TRPV5: variants seen among roughly 807,000 people sequenced by gnomAD.
TRPV5 encodes the protein calcium transport protein 2.
A neutral mutation model predicts 74.1 loss-of-function variants in TRPV5; 66 were observed. That is an observed-to-expected ratio of 0.89 (90% CI 0.73 to 1.09). TRPV5 has a LOEUF of 1.09. Among genes scored for constraint, TRPV5 ranks in the 50% least tolerant of loss-of-function variants. The pLI is 0.00. For missense variants in TRPV5, 936 were observed against 930.4 expected (o/e 1.01, Z -0.08); for synonymous variants, 399 against 360.7 (o/e 1.11, Z -1.20).
chr7:142,914,474 G>A (rs1179752535), intron 12 of TRPV5, among the ~76,000 whole-genome samples, 166 bp downstream of exon 12: 1 of 151,978 alleles, frequency 6.6e-6, no homozygotes, highest in East Asian at 1.9e-4. Flanking sequence ...CTATAAATAT[G>A]GGTGTGCTTT....
chr7:142,928,274 A>G lies in TRPV5; in HGVS notation c.763-40T>C, dbSNP rs202061675. The G allele has an allele frequency of 1.8e-5, 29 of 1,613,054 alleles. No individual in the cohort carries two copies. The African/African-American group carries it at 3.7e-4, about 21-fold the overall frequency. ...GGATGAGTCAGGGGGCCAACGTGTG[A>G]GAAGGTGGTCGAGGAGAACAACTCC... On this transcript the variant is annotated intron_variant, in intron 6 of 14. Coordinates refer to ENST00000265310, the MANE Select transcript of TRPV5 (RefSeq NM_019841.7).
At chr7:142,918,974 T>C (rs4252469) in intron 8 of TRPV5, among the ~76,000 whole-genome samples, 2,480 of 152,346 alleles carry the variant, frequency 0.016, 60 homozygotes, top group African/African-American at 0.056. Context: ...GTGTGAGCTC[T>C]GGCCACATTG....
At position 142,908,302 on chromosome 7, in the gene TRPV5, G is replaced by A. The variant is rs753537397; in HGVS notation, c.*212C>T. 9.9e-6 allele frequency: 6 copies of A among 607,454 alleles called. No individual in the cohort carries two copies. The highest frequency in any genetic ancestry group is 1.4e-5 in the Non-Finnish European group (5 of 349,774). The allele number at this position is 607,454 out of a possible 1,614,324, so 37.6% of individuals were successfully genotyped here. A position where few individuals can be genotyped will look rare whatever the true frequency, so the allele number is the denominator to read the frequency against. Reference sequence around the variant, plus strand: ...TTCCTGAGATGGGTGACTTGCAAGAGCCCAGAAAATACGTGAGACAATCGA... The same window carrying A: ...TTCCTGAGATGGGTGACTTGCAAGAACCCAGAAAATACGTGAGACAATCGA... On this transcript the variant is annotated 3_prime_UTR_variant, in exon 15 of 15. Transcript: ENST00000265310.
intron 13 of TRPV5, among the ~76,000 whole-genome samples, chr7:142,911,900 G>A (rs1002600228): frequency 1.3e-5 from 2 of 152,140 alleles, no homozygotes; most frequent in African/African-American, 2.4e-5. Context: ...AGCTCAATGC[G>A]ACATAAATGT....
intron 13 of TRPV5, among the ~76,000 whole-genome samples, chr7:142,910,611 T>A (rs1367332503): frequency 2.6e-5 from 4 of 152,224 alleles, no homozygotes; most frequent in Non-Finnish European, 5.9e-5. Flanking sequence ...ATTCTTCACC[T>A]CATGTTTTTC....
chr7:142,921,654 A>T (rs1379331875), intron 8 of TRPV5, among the ~76,000 whole-genome samples: 2 of 151,896 alleles, frequency 1.3e-5, no homozygotes, highest in Admixed American at 6.6e-5. Flanking sequence ...CACCCCCCAC[A>T]TCTGTTACTC....
intron 8 of TRPV5, among the ~76,000 whole-genome samples, chr7:142,919,085 G>A (rs1448939348): frequency 3.3e-5 from 5 of 152,134 alleles, no homozygotes; most frequent in Admixed American, 6.5e-5. Context: ...CACCCTCACC[G>A]ATGCCTCAAG....
At chr7:142,928,654 T>C (rs1796029229) in intron 6 of TRPV5, 37 bp downstream of exon 6, 1 of 1,596,010 alleles carries the variant, frequency 6.3e-7, no homozygotes, top group Non-Finnish European at 8.5e-7. Context: ...TTGAGGGTCA[T>C]TAGAAAGACA....
Position 142,915,040 on chromosome 7 carries a change from G to A in TRPV5, c.1293C>T (p.Thr431=). The change falls in exon 11 of 15, where the codon ACC becomes ACT. Residue 431 remains threonine (T), a synonymous_variant. Coordinates refer to ENST00000265310, the MANE Select transcript of TRPV5 (RefSeq NM_019841.7). The stretch of plus-strand genomic sequence containing the variant: ...TGGTCACCAGCACCAGGGAGGCATA[G>A]GTGATGCTGGGGGAGCAGAAAGCAG... ...LGGPFHVIII[T]YASLVLVTMV... The A allele has an allele frequency of 6.8e-6, 11 of 1,613,786 alleles. No homozygotes were observed. Among genetic ancestry groups the A allele is most frequent in the Non-Finnish European group, 9.3e-6 (11 of 1,179,828 alleles).
Position 142,928,108 on chromosome 7 carries a change from C to A in TRPV5, c.889G>T (p.Val297Phe), listed in dbSNP as rs1242860874. The change falls in exon 7 of 15, where the codon GTC becomes TTC. Residue 297 changes from valine (V) to phenylalanine (F), a missense_variant. Coordinates refer to ENST00000265310, the MANE Select transcript of TRPV5 (RefSeq NM_019841.7). ...CATACCTCTCGTTTATCAGAGGAGA[C>A]CACAAGCTCCAGGAAGGACAGCTCC... Reference protein sequence around the residue: ...GEELSFLELVVSSDKREARQI... With the variant: ...GEELSFLELVFSSDKREARQI... 1 of 1,614,158 alleles carries A rather than the reference C, an allele frequency of 6.2e-7. No homozygotes were observed.
chr7:142,921,997 C>A (rs1319843769), intron 8 of TRPV5, among the ~76,000 whole-genome samples: 1 of 152,216 alleles, frequency 6.6e-6, no homozygotes, highest in Non-Finnish European at 1.5e-5. Flanking sequence ...CAGGCTCTGG[C>A]CTCCCAGAGG....
rs548925016 is a variant in TRPV5, at chr7:142,930,123, G to T, written c.284C>A (p.Ala95Asp). 6.2e-7 allele frequency: 1 copy of T among 1,614,184 alleles called. No homozygotes were observed. The highest frequency in any genetic ancestry group is 8.5e-7 in the Non-Finnish European group (1 of 1,180,024). ...IAALYDNLEA[A>D]LVLMEAAPEL... is the part of the protein sequence containing the mutation. ...TGGGGCAGCCTCCATCAGCACCAAG[G>T]CCGCCTCCAAGTTGTCATAGAGGGC... Residue 95 changes from alanine (A) to aspartate (D), a missense_variant, in exon 3 of 15, where the codon GCC (alanine) becomes GAC (aspartate). Ala to Asp is a moderately radical substitution (Grantham distance 126, BLOSUM62 -2). Transcript: ENST00000265310.
chr7:142,928,381 T>C, intron 6 of TRPV5, 147 bp from the exon 7 acceptor site: 1 of 952,034 alleles, frequency 1.1e-6, no homozygotes, highest in African/African-American at 1.6e-5. Flanking sequence ...AGCTTTCCCT[T>C]TTTTGTCATC....
In TRPV5 at chr7:142,908,247, G is replaced by A; in HGVS notation, c.*267C>T. 2 of 554,374 alleles carry A rather than the reference G, an allele frequency of 3.6e-6. No individual in the cohort carries two copies. The highest frequency in any genetic ancestry group is 3.2e-5 in the Admixed American group (1 of 31,386). 34.3% of individuals were successfully genotyped at this position (554,374 alleles called of 1,614,324 possible). ...GTCCTGACATTAATCTAGCATCCCT[G>A]CCTCATGTCTTTAGTTGCCAACCTC... On this transcript the variant is annotated 3_prime_UTR_variant, in exon 15 of 15. Coordinates refer to ENST00000265310, the MANE Select transcript of TRPV5 (RefSeq NM_019841.7).
chr7:142,928,291 A>T, intron 6 of TRPV5, 57 bp from the exon 7 acceptor site: 1 of 1,597,926 alleles, frequency 6.3e-7, no homozygotes, highest in Non-Finnish European at 8.6e-7. Context: ...GGTCGAGGAG[A>T]ACAACTCCAT....
intron 4 of TRPV5, 70 bp downstream of exon 4, chr7:142,929,358 A>G: frequency 1.3e-6 from 2 of 1,582,354 alleles, no homozygotes; most frequent in Non-Finnish European, 1.7e-6. Context: ...CAGGACCCTC[A>G]TGCCCTGGCC....
At chr7:142,918,928 C>T (rs892777905) in intron 8 of TRPV5, among the ~76,000 whole-genome samples, 3 of 152,216 alleles carry the variant, frequency 2.0e-5, no homozygotes, top group Non-Finnish European at 4.4e-5. Context: ...ACAAAACCCT[C>T]CCTGCTATGG....
rs1327940032 is a variant in TRPV5, at chr7:142,928,632, CAG to C, written c.762+57_762+58del. ...CCTTCACCTCTATTTCTCCCAGGGC[CAG>C]CAGGATAGGTTGAGGGTCATTAGAA... is the stretch of plus-strand genomic sequence containing the variant. On this transcript the variant is annotated intron_variant, in intron 6 of 14. Coordinates refer to ENST00000265310, the MANE Select transcript of TRPV5 (RefSeq NM_019841.7). 5.7e-5 allele frequency: 88 copies of C among 1,551,872 alleles called. No individual in the cohort carries two copies. In the East Asian group the frequency reaches 2.0e-3, roughly 36 times the overall value.
intron 7 of TRPV5, among the ~76,000 whole-genome samples, chr7:142,925,993 G>A (rs1230448062): frequency 6.6e-6 from 1 of 152,240 alleles, no homozygotes; most frequent in Non-Finnish European, 1.5e-5. Context: ...AGTTAGATGA[G>A]TAAAGGGAGA....
Sources: gnomAD v4.1 joint callset for allele counts (sites outside exome capture counted in the v4.1 genomes callset) on GRCh38, gnomAD v4.1.1 for gene constraint, MANE v1.5 for transcripts, NCBI Gene and HGNC (gene_info 2026-07-23, HGNC 2026-07-21) for gene names.